RORA: variants seen among roughly 807,000 people sequenced by gnomAD.
RORA encodes the protein RAR related orphan receptor A.
Under a neutral mutation model 69.5 loss-of-function variants are expected in RORA, and 7 were observed. The observed-to-expected ratio is 0.10, with a 90% CI of 0.06 to 0.19. The LOEUF is 0.19. RORA is among the 10% of genes least tolerant of loss of function. The pLI is 1.00. For synonymous variants in RORA, 261 were observed against 240.8 expected, an observed-to-expected ratio of 1.08 and a Z score of -0.78; for missense variants, 457 against 663.0, an observed-to-expected ratio of 0.69 and a Z score of 3.41.
At chr15:60,939,618 A>G (rs1407489591) in intron 1 of RORA, among the ~76,000 whole-genome samples, 2 of 152,224 alleles carry the variant, frequency 1.3e-5, no homozygotes, top group Admixed American at 6.5e-5. Flanking sequence ...CGTGTCGGCC[A>G]TCAGTCACCA....
chr15:60,597,559 T>TAA (rs1473005500), intron 2 of RORA, among the ~76,000 whole-genome samples: 1 of 38,518 alleles, frequency 2.6e-5, no homozygotes, highest in Non-Finnish European at 4.7e-5. Flanking sequence ...AACATATATA[T>TAA]ATATATATAT....
intron 1 of RORA, among the ~76,000 whole-genome samples, chr15:61,085,030 C>T (rs1284749783): frequency 6.6e-6 from 1 of 152,134 alleles, no homozygotes; most frequent in Non-Finnish European, 1.5e-5. Context: ...CCTCCCACCC[C>T]TCCTCACTCC....
intron 1 of RORA, among the ~76,000 whole-genome samples, chr15:61,029,745 C>A (rs1896045290): frequency 6.6e-6 from 1 of 152,072 alleles, no homozygotes; most frequent in African/African-American, 2.4e-5. Flanking sequence ...AGTGGTGGCA[C>A]CCATGGGAGA....
chr15:60,721,183 C>G (rs539586094), intron 1 of RORA, among the ~76,000 whole-genome samples: 1 of 152,288 alleles, frequency 6.6e-6, no homozygotes, highest in South Asian at 2.1e-4. Context: ...GGTTCTTTGA[C>G]TAAACATCTC....
intron 2 of RORA, among the ~76,000 whole-genome samples, chr15:60,583,410 T>C (rs1042582117): frequency 2.0e-5 from 3 of 152,242 alleles, no homozygotes; most frequent in African/African-American, 7.2e-5. Flanking sequence ...TCCACTGAGT[T>C]GGCCTTGACT....
At chr15:60,949,604 A>G (rs1474755698) in intron 1 of RORA, among the ~76,000 whole-genome samples, 1 of 152,212 alleles carries the variant, frequency 6.6e-6, no homozygotes, top group Non-Finnish European at 1.5e-5. Flanking sequence ...ACTCCACTGC[A>G]GGATACAGAG....
chr15:61,151,254 C>A (rs2079395594), intron 1 of RORA, among the ~76,000 whole-genome samples: 1 of 152,154 alleles, frequency 6.6e-6, no homozygotes, highest in East Asian at 1.9e-4. Flanking sequence ...GGGTAAGATA[C>A]ACAGTAGTTA....
chr15:60,500,355 C>T (rs1274389049), intron 9 of RORA, among the ~76,000 whole-genome samples: 4 of 152,120 alleles, frequency 2.6e-5, no homozygotes, highest in African/African-American at 7.2e-5. Context: ...TATTCATTAT[C>T]GATCCTGCTA....
intron 1 of RORA, among the ~76,000 whole-genome samples, chr15:60,964,485 G>T (rs968944122): frequency 2.6e-5 from 4 of 152,164 alleles, no homozygotes; most frequent in Non-Finnish European, 5.9e-5. Flanking sequence ...TGGAGCAGAG[G>T]GGAGAGGGTC....
In RORA at chr15:60,978,018, T is replaced by G. The variant is rs192510917; in HGVS notation, c.166+251035A>C. On this transcript the variant is annotated intron_variant, in intron 1 of 10. Transcript: ENST00000335670. ...GTCAAATGGTAACTCTATGTTTAAT[T>G]TTTTGAGGTACTGCCAAACTGTTTT... Among the ~76,000 whole-genome samples, 66 of 152,150 alleles carry G rather than the reference T, an allele frequency of 4.3e-4. No homozygotes were observed. The East Asian group carries it at 9.8e-3, about 23-fold the overall frequency.
chr15:60,994,463 C>T (rs1034542677), intron 1 of RORA, among the ~76,000 whole-genome samples: 1 of 152,212 alleles, frequency 6.6e-6, no homozygotes, highest in African/African-American at 2.4e-5. Flanking sequence ...AAAACCCCTC[C>T]CTTCTCCTTT....
intron 2 of RORA, among the ~76,000 whole-genome samples, chr15:60,629,187 C>CTTTTTTTTTTTTT (rs34687322): frequency 8.0e-5 from 9 of 112,022 alleles, no homozygotes; most frequent in African/African-American, 2.2e-4. Flanking sequence ...ACTGTTTATT[C>CTTTTTTTTTTTTT]TTTTTTTTTT....
intron 1 of RORA, among the ~76,000 whole-genome samples, chr15:61,118,196 G>A (rs1419997689): frequency 1.3e-5 from 2 of 152,160 alleles, no homozygotes; most frequent in Non-Finnish European, 2.9e-5. Flanking sequence ...AAGGAAAGAG[G>A]GTAGGGGTGG....
chr15:60,563,645 C>G (rs1289716874), intron 2 of RORA, among the ~76,000 whole-genome samples: 1 of 152,190 alleles, frequency 6.6e-6, no homozygotes, highest in East Asian at 1.9e-4. Flanking sequence ...GCTTGGGGGA[C>G]AGGAGACTCT....
At chr15:60,943,895 G>T (rs1892779194) in intron 1 of RORA, among the ~76,000 whole-genome samples, 3 of 95,620 alleles carry the variant, frequency 3.1e-5, no homozygotes, top group African/African-American at 1.2e-4. Context: ...CAACATGGGT[G>T]ACAGAGCCAG....
rs372267003 is a variant in RORA, at chr15:60,567,936, T to A, written c.197-36085A>T. On this transcript the variant is annotated intron_variant, in intron 2 of 10. Transcript: ENST00000335670. ...GATGTCATATGTAAGGGGCCTATGA[T>A]GAACAGAAGGTAGAAAGCATGCTCT... Among the ~76,000 whole-genome samples the A allele has an allele frequency of 4.0e-4, 61 of 152,312 alleles. 1 individual carries two copies. In the South Asian group the frequency reaches 0.012, roughly 31 times the overall value.
chr15:60,692,620 CAG>C (rs1402583490), intron 1 of RORA, among the ~76,000 whole-genome samples: 17 of 152,168 alleles, frequency 1.1e-4, no homozygotes, highest in African/African-American at 4.1e-4. Flanking sequence ...CAAAGGGAAA[CAG>C]GGATAGATAA....
chr15:60,666,623 G>A (rs1212578236), intron 2 of RORA, among the ~76,000 whole-genome samples: 1 of 152,154 alleles, frequency 6.6e-6, no homozygotes, highest in African/African-American at 2.4e-5. Flanking sequence ...GGCTTTGCAC[G>A]GCAGATGCTA....
At chr15:60,949,983 T>C (rs548090678) in intron 1 of RORA, among the ~76,000 whole-genome samples, 8 of 152,162 alleles carry the variant, frequency 5.3e-5, no homozygotes, top group Non-Finnish European at 1.0e-4. Flanking sequence ...AGACACATAA[T>C]TGTCAGATTC....
Sources: gnomAD v4.1 joint callset for allele counts (sites outside exome capture counted in the v4.1 genomes callset) on GRCh38, gnomAD v4.1.1 for gene constraint, MANE v1.5 for transcripts, NCBI Gene and HGNC (gene_info 2026-07-23, HGNC 2026-07-21) for gene names.